The following HIP1 variants were observed in gnomAD, a reference collection of about 807,000 sequenced individuals.
The protein encoded by HIP1 is huntingtin interacting protein 1.
In HIP1, 65 loss-of-function variants were observed where a neutral mutation model predicts 147.6. That is an observed-to-expected ratio of 0.44 (90% CI 0.36 to 0.54). The LOEUF is 0.54. Among genes scored for constraint, HIP1 ranks in the 20% least tolerant of loss-of-function variants. The pLI is 0.00. For missense variants in HIP1, 1,061 were observed against 1,299.6 expected (o/e 0.82, Z 2.82); for synonymous variants, 479 against 504.0 (o/e 0.95, Z 0.67).
chr7:75,620,137 C>A (rs1318606546), intron 1 of HIP1, among the ~76,000 whole-genome samples: 3 of 152,162 alleles, frequency 2.0e-5, no homozygotes, highest in Non-Finnish European at 4.4e-5. Flanking sequence ...GTAATCCCAG[C>A]GCTTTGGGAG....
intron 1 of HIP1, among the ~76,000 whole-genome samples, chr7:75,612,563 C>T (rs1797480374): frequency 6.6e-6 from 1 of 151,908 alleles, no homozygotes; most frequent in African/African-American, 2.4e-5. Context: ...AATCCCTGAA[C>T]TTTGGGAGGC....
At chr7:75,696,663 T>C (rs1800650241) in intron 1 of HIP1, among the ~76,000 whole-genome samples, 1 of 148,984 alleles carries the variant, frequency 6.7e-6, no homozygotes, top group Admixed American at 6.8e-5. Context: ...TGCAGTGGTA[T>C]GATCTTGGCT....
rs1563261802 is a variant in HIP1, at chr7:75,637,992, C to CAAA, written c.121-38746_121-38745insTTT. 8.2e-5 allele frequency among the ~76,000 whole-genome samples: 4 copies of CAAA among 48,590 alleles called. 1 individual carries two copies. Among genetic ancestry groups the CAAA allele is most frequent in the African/African-American group, 3.5e-4 (4 of 11,524 alleles). 31.9% of individuals were successfully genotyped at this position (48,590 alleles called of 152,430 possible). On this transcript the variant is annotated intron_variant, in intron 1 of 30. Coordinates refer to ENST00000336926, the MANE Select transcript of HIP1 (RefSeq NM_005338.7). ...GCAGACCCAGACCCCCCCCCCCCCC[C>CAAA]CACACACACACATACACACACACAC...
At chr7:75,637,474 C>T (rs1369381086) in intron 1 of HIP1, among the ~76,000 whole-genome samples, 4 of 150,700 alleles carry the variant, frequency 2.7e-5, no homozygotes, top group African/African-American at 4.9e-5. Flanking sequence ...CTTGCTCAGA[C>T]ACCTCTAGGA....
At chr7:75,664,131 TGTGTGTACATACATAC>T in intron 1 of HIP1, among the ~76,000 whole-genome samples, 1 of 50,072 alleles carries the variant, frequency 2.0e-5, no homozygotes, top group African/African-American at 1.1e-4. Flanking sequence ...TGCACACACA[TGTGTGTACATACATAC>T]ATGTATGTGT....
chr7:75,622,410 C>T (rs1444659963), intron 1 of HIP1, among the ~76,000 whole-genome samples: 2 of 151,746 alleles, frequency 1.3e-5, no homozygotes, highest in South Asian at 4.2e-4. Flanking sequence ...TCAGGAGAGA[C>T]AGGAGGCCAG....
intron 1 of HIP1, among the ~76,000 whole-genome samples, chr7:75,706,486 T>A (rs13236397): frequency 1.9e-4 from 25 of 132,998 alleles, no homozygotes; most frequent in South Asian, 4.7e-4. Context: ...TTTTTTTATT[T>A]TTTTTTTATT....
Position 75,536,994 on chromosome 7 carries a change from C to T in HIP1, c.*1178G>A, listed in dbSNP as rs1794105826. 1 of 232,264 alleles carries T rather than the reference C, an allele frequency of 4.3e-6. No individual in the cohort carries two copies. The allele number at this position is 232,264 out of a possible 1,614,324, so 14.4% of individuals were successfully genotyped here. Reference sequence around the variant, plus strand: ...TCAATTGCGTAGAAGGTGGAACGATCTTCCTATTCAAGAGGATGCCAAGGC... The same window carrying T: ...TCAATTGCGTAGAAGGTGGAACGATTTTCCTATTCAAGAGGATGCCAAGGC... On this transcript the variant is annotated 3_prime_UTR_variant, in exon 31 of 31. Transcript: ENST00000336926.
chr7:75,646,957 C>T (rs924074881), intron 1 of HIP1, among the ~76,000 whole-genome samples: 2 of 152,022 alleles, frequency 1.3e-5, no homozygotes, highest in African/African-American at 4.8e-5. Flanking sequence ...GGAGCATAGC[C>T]CACTACATAA....
At chr7:75,710,916 C>T (rs1052) in intron 1 of HIP1, among the ~76,000 whole-genome samples, 83,211 of 151,954 alleles carry the variant, frequency 0.55, 23,491 homozygotes, top group African/African-American at 0.67. Context: ...TATAAAAAAA[C>T]CCTCTAAAGT....
At chr7:75,620,945 G>A (rs951430777) in intron 1 of HIP1, among the ~76,000 whole-genome samples, 3 of 151,968 alleles carry the variant, frequency 2.0e-5, no homozygotes, top group African/African-American at 7.3e-5. Flanking sequence ...TTAAAGTGAC[G>A]AGAGGCTGGC....
At chr7:75,576,555 C>T (rs1795852257) in intron 7 of HIP1, among the ~76,000 whole-genome samples, 1 of 152,028 alleles carries the variant, frequency 6.6e-6, no homozygotes, top group Admixed American at 6.6e-5. Context: ...AACCCCATCT[C>T]TACTAAAAAT....
chr7:75,597,832 C>T (rs782147066), intron 2 of HIP1, among the ~76,000 whole-genome samples: 1 of 152,168 alleles, frequency 6.6e-6, no homozygotes, highest in South Asian at 2.1e-4. Flanking sequence ...TAGCCACCCC[C>T]CTGGCAGACT....
intron 1 of HIP1, among the ~76,000 whole-genome samples, chr7:75,711,014 T>C (rs1208937917): frequency 6.6e-6 from 1 of 152,210 alleles, no homozygotes; most frequent in Non-Finnish European, 1.5e-5. Context: ...CTATTATCAC[T>C]GTGTCTTCTG....
chr7:75,599,099 G>A, intron 2 of HIP1, 85 bp downstream of exon 2: 1 of 1,023,602 alleles, frequency 9.8e-7, no homozygotes. Flanking sequence ...TCCTGGAGCT[G>A]AGCAAGGCAG....
intron 1 of HIP1, among the ~76,000 whole-genome samples, chr7:75,637,060 AC>A (rs1202380359): frequency 1.3e-5 from 2 of 151,696 alleles, no homozygotes; most frequent in Admixed American, 1.3e-4. Context: ...CCCTTCTCAG[AC>A]CCCCATGGTC....
At chr7:75,625,102 A>G (rs1797992232) in intron 1 of HIP1, 1 of 151,952 alleles carries the variant, frequency 6.6e-6, no homozygotes, top group African/African-American at 2.4e-5. Context: ...ATTAGTAGAG[A>G]TGGGGTTTCA....
chr7:75,693,505 C>T (rs1395348134), intron 1 of HIP1, among the ~76,000 whole-genome samples: 6 of 152,008 alleles, frequency 3.9e-5, no homozygotes, highest in African/African-American at 1.4e-4. Flanking sequence ...TTTTTTGCAC[C>T]TTGAATTCTC....
chr7:75,650,908 G>A (rs1798955108), intron 1 of HIP1, among the ~76,000 whole-genome samples: 2 of 152,136 alleles, frequency 1.3e-5, no homozygotes, highest in Admixed American at 1.3e-4. Flanking sequence ...CCGGCTGTGA[G>A]CCAGCAGCAA....
Sources: gnomAD v4.1 joint callset for allele counts (sites outside exome capture counted in the v4.1 genomes callset) on GRCh38, gnomAD v4.1.1 for gene constraint, MANE v1.5 for transcripts, NCBI Gene and HGNC (gene_info 2026-07-23, HGNC 2026-07-21) for gene names.